The following PTPRR variants were observed in gnomAD, a reference collection of about 807,000 sequenced individuals.
PTPRR encodes the protein protein tyrosine phosphatase receptor type R.
In PTPRR, 38 loss-of-function variants were observed where a neutral mutation model predicts 77.2. The observed-to-expected ratio is 0.49, with a 90% confidence interval of 0.38 to 0.65. The LOEUF is 0.65. PTPRR is among the 30% of genes least tolerant of loss of function. The probability of loss-of-function intolerance (pLI) is 0.00; values close to 1 mark genes in which losing one functional copy is unlikely to be tolerated. For synonymous variants in PTPRR, 299 were observed against 283.1 expected, an observed-to-expected ratio of 1.06 and a Z score of -0.57; for missense variants, 744 against 799.2, an observed-to-expected ratio of 0.93 and a Z score of 0.83.
intron 5 of PTPRR, among the ~76,000 whole-genome samples, chr12:70,746,691 ATTTAT>A (rs929160040): frequency 6.6e-6 from 1 of 152,006 alleles, no homozygotes; most frequent in African/African-American, 2.4e-5. Flanking sequence ...AAATTTTAAT[ATTTAT>A]TTTATTTTAT....
At chr12:70,833,353 G>A (rs2079567255) in intron 2 of PTPRR, among the ~76,000 whole-genome samples, 1 of 152,136 alleles carries the variant, frequency 6.6e-6, no homozygotes, top group Admixed American at 6.6e-5. Flanking sequence ...GGCAGGAACA[G>A]GTAGGCTGGA....
intron 2 of PTPRR, among the ~76,000 whole-genome samples, chr12:70,875,718 T>A (rs576289996): frequency 2.0e-5 from 3 of 151,770 alleles, no homozygotes; most frequent in South Asian, 4.2e-4. Flanking sequence ...AAACAATTTT[T>A]AAAAAAAGAC....
intron 2 of PTPRR, among the ~76,000 whole-genome samples, chr12:70,795,913 A>AT (rs71437157): frequency 0.018 from 1,594 of 88,320 alleles, 221 homozygotes; most frequent in African/African-American, 0.027. Context: ...TATTTAGTAG[A>AT]TTTTTTTTTT....
At chr12:70,639,362 A>G (rs1885909414) in intron 13 of PTPRR, 85 bp from the exon 14 acceptor site, 1 of 1,499,224 alleles carries the variant, frequency 6.7e-7, no homozygotes, top group African/African-American at 1.4e-5. Context: ...AAGCTAGGGT[A>G]TTATGCCAAA....
chr12:70,859,801 T>C (rs1324636784), intron 2 of PTPRR, among the ~76,000 whole-genome samples: 1 of 151,988 alleles, frequency 6.6e-6, no homozygotes, highest in Non-Finnish European at 1.5e-5. Flanking sequence ...TCCCAAATAA[T>C]TTATCATTCT....
intron 1 of PTPRR, among the ~76,000 whole-genome samples, chr12:70,900,103 C>G (rs996714594): frequency 4.0e-5 from 6 of 151,190 alleles, no homozygotes; most frequent in Non-Finnish European, 7.4e-5. Flanking sequence ...TCAATCATCT[C>G]CAATTACAAT....
rs1592746434 is a variant in PTPRR at position 70,769,456 on chromosome 12, A to G, written c.358-4678T>C. Reference sequence around the variant, plus strand: ...TACTTAGGAATCCAACTTACAAGGGACGTGAAGGACTTCTTCAAGGAGAAC... The same window carrying G: ...TACTTAGGAATCCAACTTACAAGGGGCGTGAAGGACTTCTTCAAGGAGAAC... On this transcript the variant is annotated intron_variant, in intron 2 of 13. Transcript: ENST00000283228. 1.3e-5 allele frequency among the ~76,000 whole-genome samples: 2 copies of G among 152,342 alleles called. 1 individual carries two copies. The highest frequency in any genetic ancestry group is 4.1e-4 in the South Asian group (2 of 4,832).
chr12:70,688,329 T>C (rs534910931), intron 8 of PTPRR, among the ~76,000 whole-genome samples: 24 of 152,124 alleles, frequency 1.6e-4, no homozygotes, highest in Non-Finnish European at 3.4e-4. Context: ...ATCCAAAATA[T>C]ATCAGAAACT....
At chr12:70,758,770 G>T (rs761369229) in intron 4 of PTPRR, among the ~76,000 whole-genome samples, 4 of 152,160 alleles carry the variant, frequency 2.6e-5, no homozygotes, top group Non-Finnish European at 5.9e-5. Context: ...GCACAGTGTA[G>T]TAACTTTATT....
intron 1 of PTPRR, among the ~76,000 whole-genome samples, chr12:70,918,484 C>G (rs1341061475): frequency 6.6e-6 from 1 of 152,054 alleles, no homozygotes; most frequent in Non-Finnish European, 1.5e-5. Flanking sequence ...ATTGGATTGG[C>G]TTTGGTAATA....
At chr12:70,863,641 T>A (rs775824928) in intron 2 of PTPRR, among the ~76,000 whole-genome samples, 3 of 149,974 alleles carry the variant, frequency 2.0e-5, no homozygotes, top group African/African-American at 7.3e-5. Context: ...TTAACTGACA[T>A]CCTTTTTAGT....
At chr12:70,872,354 G>A (rs1284398787) in intron 2 of PTPRR, among the ~76,000 whole-genome samples, 2 of 151,880 alleles carry the variant, frequency 1.3e-5, no homozygotes, top group African/African-American at 4.8e-5. Flanking sequence ...CATATTAAAT[G>A]TTTTTCAAAG....
rs1555171433 is a variant in PTPRR at position 70,737,486 on chromosome 12, A to ATATATCTATC, written c.1007+8331_1007+8332insGATAGATATA. 2.6e-3 allele frequency among the ~76,000 whole-genome samples: 370 copies of ATATATCTATC among 144,240 alleles called. 2 individuals carry two copies. Among genetic ancestry groups the ATATATCTATC allele is most frequent in the African/African-American group, 9.2e-3 (357 of 38,652 alleles). 94.6% of individuals were successfully genotyped at this position (144,240 alleles called of 152,430 possible). Reference sequence around the variant, plus strand: ...TTTCGATTATGGGTCTATTTAATGAATATCTATCTATCTATCTATCTATCT... The same window carrying ATATATCTATC: ...TTTCGATTATGGGTCTATTTAATGAATATATCTATCTATCTATCTATCTATCTATCTATCT... On this transcript the variant is annotated intron_variant, in intron 6 of 13. Coordinates refer to ENST00000283228, the MANE Select transcript of PTPRR (RefSeq NM_002849.4).
chr12:70,708,574 T>C (rs903444318), intron 6 of PTPRR, among the ~76,000 whole-genome samples: 2 of 152,054 alleles, frequency 1.3e-5, no homozygotes, highest in African/African-American at 4.8e-5. Flanking sequence ...TACTCCTTTT[T>C]TTTTTGTCAT....
chr12:70,702,593 A>G (rs1888468012), intron 6 of PTPRR, among the ~76,000 whole-genome samples: 1 of 152,152 alleles, frequency 6.6e-6, no homozygotes, highest in African/African-American at 2.4e-5. Context: ...TACAACAACA[A>G]CAACAAAATC....
chr12:70,734,018 T>C (rs1339979911), intron 6 of PTPRR, among the ~76,000 whole-genome samples: 1 of 152,216 alleles, frequency 6.6e-6, no homozygotes, highest in African/African-American at 2.4e-5. Context: ...CAAAAGTCTC[T>C]GGCTGCAAGG....
intron 13 of PTPRR, chr12:70,639,493 A>T: frequency 4.6e-6 from 6 of 1,297,904 alleles, no homozygotes; most frequent in Non-Finnish European, 5.9e-6. Flanking sequence ...TTCCCAGCAC[A>T]CACTAGGCAC....
intron 6 of PTPRR, among the ~76,000 whole-genome samples, chr12:70,702,361 G>GGT (rs1170889377): frequency 2.0e-5 from 3 of 152,078 alleles, no homozygotes; most frequent in Non-Finnish European, 2.9e-5. Flanking sequence ...AGGGGCCGTA[G>GGT]GTGTGTGTCA....
At chr12:70,831,230 A>G (rs1373211501) in intron 2 of PTPRR, among the ~76,000 whole-genome samples, 1 of 152,224 alleles carries the variant, frequency 6.6e-6, no homozygotes, top group East Asian at 1.9e-4. Context: ...TGCAAAGAAT[A>G]AATGTTCAAT....
Sources: gnomAD v4.1 joint callset for allele counts (sites outside exome capture counted in the v4.1 genomes callset) on GRCh38, gnomAD v4.1.1 for gene constraint, MANE v1.5 for transcripts, NCBI Gene and HGNC (gene_info 2026-07-23, HGNC 2026-07-21) for gene names.